The following TMEM232 variants were observed in gnomAD, a reference collection of about 807,000 sequenced individuals.
TMEM232 encodes the protein transmembrane protein 232.
TMEM232 carries 80 observed loss-of-function variants against 78.8 expected under a neutral mutation model. That is an observed-to-expected ratio of 1.01 (90% CI 0.85 to 1.22). The LOEUF (loss-of-function observed/expected upper bound fraction) is 1.22. Among genes scored for constraint, TMEM232 ranks in the 50% most tolerant of loss-of-function variants. The pLI is 0.00. For missense variants in TMEM232, 881 were observed against 742.2 expected, an observed-to-expected ratio of 1.19 and a Z score of -2.17; for synonymous variants, 297 against 254.3, an observed-to-expected ratio of 1.17 and a Z score of -1.60.
At chr5:110,697,946 C>G (rs1178878235) in intron 1 of TMEM232, among the ~76,000 whole-genome samples, 1 of 152,120 alleles carries the variant, frequency 6.6e-6, no homozygotes, top group Non-Finnish European at 1.5e-5. Flanking sequence ...GGTATATACC[C>G]AAAGGATTAT....
rs548187649 is a variant in TMEM232, at chr5:110,674,402, C to T, written c.-12-7038G>A. 1.8e-4 allele frequency among the ~76,000 whole-genome samples: 28 copies of T among 152,152 alleles called. No homozygotes were observed. In the South Asian group the frequency reaches 5.6e-3, roughly 31 times the overall value. On this transcript the variant is annotated intron_variant, in intron 1 of 13. Transcript: ENST00000455884. ...AAAAAAGTAATGAAGCAAATAATGA[C>T]GAAGTTATTCCAAAGAAATAAGAAA... is the stretch of plus-strand genomic sequence containing the variant.
intron 5 of TMEM232, among the ~76,000 whole-genome samples, chr5:110,632,387 C>T (rs761345794): frequency 1.1e-4 from 17 of 151,190 alleles, no homozygotes; most frequent in Admixed American, 3.3e-4. Context: ...CAATAATTCC[C>T]CAGCAATATA....
chr5:110,527,632 T>A (rs958888599), intron 12 of TMEM232, among the ~76,000 whole-genome samples: 1 of 151,790 alleles, frequency 6.6e-6, no homozygotes, highest in Non-Finnish European at 1.5e-5. Context: ...TATAAAACAA[T>A]ATATAGCAGG....
At chr5:110,595,063 T>C (rs374442910) in intron 10 of TMEM232, among the ~76,000 whole-genome samples, 34 of 152,254 alleles carry the variant, frequency 2.2e-4, no homozygotes, top group African/African-American at 7.5e-4. Context: ...GGGATGAAGC[T>C]ACCAGAGGAA....
chr5:110,611,663 C>T (rs1199064641), intron 8 of TMEM232, among the ~76,000 whole-genome samples: 1 of 152,114 alleles, frequency 6.6e-6, no homozygotes, highest in African/African-American at 2.4e-5. Flanking sequence ...GCTGCAGCTT[C>T]CGTATCACAT....
intron 2 of TMEM232, among the ~76,000 whole-genome samples, chr5:110,663,967 A>C (rs1466715127): frequency 1.3e-5 from 2 of 152,122 alleles, no homozygotes. Context: ...AGCAAATTCC[A>C]TCACTACAAA....
At chr5:110,687,580 C>A (rs952484722) in intron 1 of TMEM232, among the ~76,000 whole-genome samples, 1 of 152,060 alleles carries the variant, frequency 6.6e-6, no homozygotes, top group Non-Finnish European at 1.5e-5. Context: ...TATCCAGATT[C>A]CTGGAGCATA....
chr5:110,543,046 T>G (rs1299187832), intron 11 of TMEM232, among the ~76,000 whole-genome samples: 1 of 152,192 alleles, frequency 6.6e-6, no homozygotes, highest in African/African-American at 2.4e-5. Context: ...ATTTCTGCTT[T>G]TGTCATTTCA....
intron 12 of TMEM232, among the ~76,000 whole-genome samples, chr5:110,436,246 T>C (rs1758421087): frequency 6.6e-6 from 1 of 152,094 alleles, no homozygotes; most frequent in Non-Finnish European, 1.5e-5. Flanking sequence ...CTTTGCTATT[T>C]GTATGTCCTC....
intron 1 of TMEM232, among the ~76,000 whole-genome samples, chr5:110,687,181 T>C (rs994322270): frequency 6.6e-6 from 1 of 152,182 alleles, no homozygotes; most frequent in Non-Finnish European, 1.5e-5. Flanking sequence ...ATTATCTTCA[T>C]GTTCTTGGAA....
rs924171933 is a variant in TMEM232, at chr5:110,662,932, A to G, written c.125+4296T>C. Among the ~76,000 whole-genome samples the G allele has an allele frequency of 9.9e-5, 15 of 152,096 alleles. 1 individual carries two copies. Among genetic ancestry groups the G allele is most frequent in the Admixed American group, 4.6e-4 (7 of 15,262 alleles). The stretch of plus-strand genomic sequence containing the variant: ...GGTTGGGAAAGATTTTTTTAACCAA[A>G]ATACAAAAAAAAGGCTAATCATAAA... On this transcript the variant is annotated intron_variant, in intron 2 of 13. Coordinates refer to ENST00000455884, the MANE Select transcript of TMEM232 (RefSeq NM_001039763.4).
intron 3 of TMEM232, among the ~76,000 whole-genome samples, chr5:110,396,477 A>G (rs1755391944): frequency 6.6e-6 from 1 of 152,194 alleles, no homozygotes; most frequent in Non-Finnish European, 1.5e-5. Context: ...AACTGTATAC[A>G]CATTTATACA....
chr5:110,391,967 A>G (rs62376062), intron 3 of TMEM232, among the ~76,000 whole-genome samples: 6,360 of 152,266 alleles, frequency 0.042, 197 homozygotes, highest in Middle Eastern at 0.065. Flanking sequence ...ATGACATTGT[A>G]TCTCCTACAT....
intron 1 of TMEM232, among the ~76,000 whole-genome samples, chr5:110,711,250 A>C (rs931252059): frequency 1.3e-5 from 2 of 152,194 alleles, no homozygotes; most frequent in Non-Finnish European, 2.9e-5. Context: ...TGGTGAAAGA[A>C]ATTGAAGAAG....
intron 1 of TMEM232, among the ~76,000 whole-genome samples, chr5:110,672,275 T>G (rs1159518962): frequency 6.6e-6 from 1 of 152,206 alleles, no homozygotes; most frequent in African/African-American, 2.4e-5. Flanking sequence ...TGGTAGATAT[T>G]TGCACTTTCT....
intron 2 of TMEM232, among the ~76,000 whole-genome samples, chr5:110,408,878 G>A (rs1755890144): frequency 6.6e-6 from 1 of 152,094 alleles, no homozygotes; most frequent in South Asian, 2.1e-4. Context: ...ACTCATCACA[G>A]GTGGAGGATG....
chr5:110,520,464 A>G (rs1007006293), intron 12 of TMEM232, among the ~76,000 whole-genome samples: 2 of 152,216 alleles, frequency 1.3e-5, no homozygotes, highest in South Asian at 4.1e-4. Flanking sequence ...GACATACACA[A>G]TTATAAACAA....
intron 1 of TMEM232, among the ~76,000 whole-genome samples, chr5:110,668,346 A>C (rs1790880098): frequency 6.6e-6 from 1 of 152,162 alleles, no homozygotes; most frequent in South Asian, 2.1e-4. Flanking sequence ...AATGCAGCTA[A>C]TCTGAGGTTG....
At chr5:110,539,158 G>C (rs1308994353) in intron 11 of TMEM232, among the ~76,000 whole-genome samples, 1 of 152,164 alleles carries the variant, frequency 6.6e-6, no homozygotes, top group East Asian at 1.9e-4. Flanking sequence ...TGGAAATCTA[G>C]GGAAGCCTAA....
Sources: allele counts gnomAD v4.1 joint callset (sites outside exome capture counted in the v4.1 genomes callset), GRCh38; gene constraint gnomAD v4.1.1; transcripts MANE v1.5; gene names NCBI Gene and HGNC (gene_info 2026-07-23, HGNC 2026-07-21).